Variants in SNTB1 observed in about 807,000 individuals in gnomAD.
SNTB1 encodes beta-1-syntrophin.
Under a neutral mutation model 48.9 loss-of-function variants are expected in SNTB1, and 36 were observed. That is an observed-to-expected ratio of 0.74 (90% CI 0.56 to 0.97). The LOEUF (loss-of-function observed/expected upper bound fraction) is 0.97, where lower values mean the gene tolerates loss of function less well. SNTB1 is among the 50% of genes least tolerant of loss of function. The probability of loss-of-function intolerance (pLI) is 0.00; values close to 1 mark genes in which losing one functional copy is unlikely to be tolerated. For synonymous variants in SNTB1, 299 were observed against 294.6 expected, an observed-to-expected ratio of 1.01 and a Z score of -0.15; for missense variants, 786 against 703.4, an observed-to-expected ratio of 1.12 and a Z score of -1.33.
chr8:120,809,928 C>A (rs1207380448), intron 1 of SNTB1, among the ~76,000 whole-genome samples: 1 of 152,206 alleles, frequency 6.6e-6, no homozygotes, highest in Non-Finnish European at 1.5e-5. Context: ...GGAGTTGCAT[C>A]AGCTGTCACA....
chr8:120,642,177 C>A (rs1015681821), intron 2 of SNTB1, among the ~76,000 whole-genome samples: 2 of 152,170 alleles, frequency 1.3e-5, no homozygotes, highest in Non-Finnish European at 2.9e-5. Flanking sequence ...CCAGGCTTCC[C>A]AATGGCTGAG....
intron 2 of SNTB1, among the ~76,000 whole-genome samples, chr8:120,683,610 C>A (rs1241312163): frequency 6.6e-6 from 1 of 151,828 alleles, no homozygotes; most frequent in Non-Finnish European, 1.5e-5. Context: ...TGGAATTTGA[C>A]AAATAAAAGA....
chr8:120,648,656 C>T (rs1187128617), intron 2 of SNTB1, among the ~76,000 whole-genome samples: 1 of 151,698 alleles, frequency 6.6e-6, no homozygotes, highest in Non-Finnish European at 1.5e-5. Flanking sequence ...TGGAGTTGCT[C>T]TTCTCGAGGA....
At chr8:120,674,729 G>T (rs1203967594) in intron 2 of SNTB1, among the ~76,000 whole-genome samples, 1 of 152,198 alleles carries the variant, frequency 6.6e-6, no homozygotes, top group African/African-American at 2.4e-5. Flanking sequence ...AGAAGGTTGA[G>T]AATTACTGTA....
intron 3 of SNTB1, among the ~76,000 whole-genome samples, chr8:120,631,544 T>C (rs957518537): frequency 1.3e-5 from 2 of 152,212 alleles, no homozygotes; most frequent in Non-Finnish European, 2.9e-5. Context: ...TATTCCCATT[T>C]ACTGCCTATT....
At chr8:120,701,643 C>G (rs754631922) in intron 1 of SNTB1, among the ~76,000 whole-genome samples, 1 of 152,166 alleles carries the variant, frequency 6.6e-6, no homozygotes, top group Non-Finnish European at 1.5e-5. Flanking sequence ...ATTATGTTCT[C>G]AAGTTACTTT....
At chr8:120,765,245 C>G (rs1819501470) in intron 1 of SNTB1, among the ~76,000 whole-genome samples, 1 of 151,924 alleles carries the variant, frequency 6.6e-6, no homozygotes, top group Admixed American at 6.6e-5. Flanking sequence ...CAAAACCAAA[C>G]CAAAAAAACT....
intron 3 of SNTB1, among the ~76,000 whole-genome samples, chr8:120,605,810 C>T (rs553714945): frequency 6.6e-6 from 1 of 152,248 alleles, no homozygotes. Flanking sequence ...CAATCCATGG[C>T]CTGTGGTGTC....
chr8:120,771,259 AATGAG>A (rs765658882), intron 1 of SNTB1, among the ~76,000 whole-genome samples: 12 of 152,236 alleles, frequency 7.9e-5, no homozygotes, highest in Non-Finnish European at 1.8e-4. Context: ...GAATCCAGAG[AATGAG>A]ATAAAAGATC....
At chr8:120,746,060 C>T (rs1819120704) in intron 1 of SNTB1, among the ~76,000 whole-genome samples, 1 of 152,128 alleles carries the variant, frequency 6.6e-6, no homozygotes, top group Non-Finnish European at 1.5e-5. Flanking sequence ...AGTTTGGTGC[C>T]ACTGCAGAGT....
chr8:120,772,821 C>T (rs193172046), intron 1 of SNTB1, among the ~76,000 whole-genome samples: 148 of 151,956 alleles, frequency 9.7e-4, no homozygotes, highest in African/African-American at 3.5e-3. Context: ...CTGGAGGGGC[C>T]CTTGGAGAGA....
rs543285414 is a variant in SNTB1, at chr8:120,717,183, G to A, written c.572-23275C>T. Among the ~76,000 whole-genome samples the A allele has an allele frequency of 4.9e-4, 74 of 152,164 alleles. 1 individual carries two copies. The highest frequency in any genetic ancestry group is 8.2e-4 in the Non-Finnish European group (56 of 68,034). On this transcript the variant is annotated intron_variant, in intron 1 of 6. Transcript: ENST00000517992. The stretch of plus-strand genomic sequence containing the variant: ...ATTAGGCAGACTGATTAGAATGCTC[G>A]GATTCTGATCCTCAGGCCACTACGG...
chr8:120,778,650 G>T (rs1206337902), intron 1 of SNTB1, among the ~76,000 whole-genome samples: 2 of 152,192 alleles, frequency 1.3e-5, no homozygotes, highest in Non-Finnish European at 2.9e-5. Flanking sequence ...ATTGATTTCC[G>T]AAGAGCATCA....
rs373400564 is a variant in SNTB1 at position 120,606,882 on chromosome 8, T to C, written c.996+25562A>G. Among the ~76,000 whole-genome samples the C allele has an allele frequency of 9.9e-5, 15 of 152,200 alleles. No homozygotes were observed. In the South Asian group the frequency reaches 2.9e-3, roughly 29 times the overall value. On this transcript the variant is annotated intron_variant, in intron 3 of 6. Transcript: ENST00000517992. The stretch of plus-strand genomic sequence containing the variant: ...ACGTTCCTGTTTAAGTTAGGGAAAA[T>C]AAAAGAATACTCTTTATCCCCACAA...
chr8:120,667,383 A>T (rs1817689828), intron 2 of SNTB1, among the ~76,000 whole-genome samples: 1 of 152,186 alleles, frequency 6.6e-6, no homozygotes. Context: ...AATGGAGAGA[A>T]GTGTTTGGAA....
intron 3 of SNTB1, among the ~76,000 whole-genome samples, chr8:120,612,624 A>G (rs7828804): frequency 0.81 from 123,114 of 152,024 alleles, 50,876 homozygotes; most frequent in Middle Eastern, 0.9. Flanking sequence ...CTCGATCTCA[A>G]CTCACTGCAA....
Position 120,569,118 on chromosome 8 carries a change from T to C in SNTB1, c.1136+5968A>G, listed in dbSNP as rs145722877. On this transcript the variant is annotated intron_variant, in intron 4 of 6. Transcript: ENST00000517992. ...GCCAAAGCCTCCAGAGTAGCTGGGA[T>C]GACAGGCACCCACCACCATGCCTGG... Among the ~76,000 whole-genome samples, 719 of 152,292 alleles carry C rather than the reference T, an allele frequency of 4.7e-3. 4 individuals carry two copies. Among genetic ancestry groups the C allele is most frequent in the African/African-American group, 0.017 (692 of 41,570 alleles).
intron 5 of SNTB1, among the ~76,000 whole-genome samples, chr8:120,547,608 A>C (rs58918280): frequency 6.7e-6 from 1 of 149,504 alleles, no homozygotes; most frequent in South Asian, 2.1e-4. Context: ...AAAAAAAAAA[A>C]AAAAACAACT....
chr8:120,632,040 CAAACAGGCTCATCA>C (rs1180450196), intron 3 of SNTB1, among the ~76,000 whole-genome samples: 2 of 152,170 alleles, frequency 1.3e-5, no homozygotes, highest in African/African-American at 4.8e-5. Context: ...TCAATTCAAA[CAAACAGGCTCATCA>C]AAACCCACAC....
Sources: allele counts gnomAD v4.1 joint callset (sites outside exome capture counted in the v4.1 genomes callset), GRCh38; gene constraint gnomAD v4.1.1; transcripts MANE v1.5; gene names NCBI Gene and HGNC (gene_info 2026-07-23, HGNC 2026-07-21).